The following TTN variants were observed in gnomAD, a reference collection of about 807,000 sequenced individuals.
TTN encodes the protein connectin.
TTN carries 1,525 observed loss-of-function variants against 3,223.0 expected under a neutral mutation model. That is an observed-to-expected ratio of 0.47 (90% CI 0.45 to 0.49). TTN has a LOEUF of 0.49. TTN is among the 20% of genes least tolerant of loss of function. The pLI is 0.00. For synonymous variants in TTN, 14,094 were observed against 15,161.0 expected (o/e 0.93, Z 5.17); for missense variants, 40,786 against 43,424.0 (o/e 0.94, Z 5.40).
intron 152 of TTN, 74 bp from the exon 153 acceptor site, chr2:178,672,777 A>T: frequency 8.1e-7 from 1 of 1,228,654 alleles, no homozygotes; most frequent in South Asian, 1.4e-5. Context: ...ACCAGAGACA[A>T]CGCCAACATT....
At chr2:178,538,135 T>C in intron 354 of TTN, 1 of 564,850 alleles carries the variant, frequency 1.8e-6, no homozygotes, top group Non-Finnish European at 3.1e-6. Flanking sequence ...GAGTGTTTTT[T>C]TCTCTTTATG....
intron 257 of TTN, 75 bp from the exon 258 acceptor site, chr2:178,615,863 C>T: frequency 1.4e-6 from 2 of 1,481,022 alleles, no homozygotes; most frequent in Middle Eastern, 1.9e-4. Flanking sequence ...TTTACCATGA[C>T]CAGGGATACA....
rs1411362528 is a variant in TTN, at chr2:178,532,219, G to C, written c.104396C>G (p.Ser34799Cys). The C allele has an allele frequency of 6.2e-7, 1 of 1,613,396 alleles. No homozygotes were observed. Among genetic ancestry groups the C allele is most frequent in the African/African-American group, 1.3e-5 (1 of 75,012 alleles). The change falls in exon 358 of 363, where the codon TCT (serine) becomes TGT (cysteine). Residue 34799 changes from serine (S) to cysteine (C), a missense_variant. Transcript: ENST00000589042. ...ELDFMSKEEK[S>C]RKKSRRQREV... ...TCTTTGTCGCCTTGATTTCTTTCTA[G>C]ACTTTTCCTCCTTTGACATGAAGTC...
Position 178,769,837 on chromosome 2 carries a change from A to T in TTN, c.8744T>A (p.Leu2915Gln). The change falls in exon 37 of 363, where the codon CTG (leucine) becomes CAG (glutamine). Residue 2915 changes from leucine to glutamine, a missense_variant. By Grantham distance (113) the Leu-to-Gln change is moderately radical. Coordinates refer to ENST00000589042, the MANE Select transcript of TTN (RefSeq NM_001267550.2). ...CATCTCAATTTCCACACCATTCTTC[A>T]GCCACATGGAAGGGACATTGAAGTG... ...VSHFNVPSMW[L>Q]KNGVEIEMSE... is the part of the protein sequence containing the mutation. 1 of 1,614,060 alleles carries T rather than the reference A, an allele frequency of 6.2e-7. No individual in the cohort carries two copies. Among genetic ancestry groups the T allele is most frequent in the South Asian group, 1.1e-5 (1 of 91,086 alleles).
chr2:178,710,743 C>G lies in TTN; in HGVS notation c.28354G>C (p.Ala9452Pro), dbSNP rs527663092. 8.1e-6 allele frequency: 13 copies of G among 1,613,806 alleles called. No homozygotes were observed. Among genetic ancestry groups the G allele is most frequent in the Non-Finnish European group, 1.1e-5 (13 of 1,179,818 alleles). ...TCTACTTTGAGGACTGTCAGGTGGG[C>G]GCTGTTTTCCAGATAACTAATCTGG... ...KYQISYLENS[A>P]HLTVLKVDKG... is the part of the protein sequence containing the mutation. The change falls in exon 98 of 363, where the codon GCC becomes CCC. Residue 9452 changes from alanine (A) to proline (P), a missense_variant. Physicochemically the swap from Ala to Pro is conservative, Grantham distance 27. Coordinates refer to ENST00000589042, the MANE Select transcript of TTN (RefSeq NM_001267550.2).
At chr2:178,791,879 C>G (rs1480185485) in intron 10 of TTN, among the ~76,000 whole-genome samples, 193 bp downstream of exon 10, 1 of 152,078 alleles carries the variant, frequency 6.6e-6, no homozygotes, top group African/African-American at 2.4e-5. Flanking sequence ...GAAAACTGAT[C>G]AAGTGAGTGG....
In TTN at chr2:178,616,474, C is replaced by T. The variant is rs773694879; in HGVS notation, c.48312+5G>A. 6.2e-7 allele frequency: 1 copy of T among 1,611,920 alleles called. No homozygotes were observed. The highest frequency in any genetic ancestry group is 8.5e-7 in the Non-Finnish European group (1 of 1,178,690). On this transcript the variant is annotated splice_donor_5th_base_variant and intron_variant, in intron 257 of 362. Coordinates refer to ENST00000589042, the MANE Select transcript of TTN (RefSeq NM_001267550.2). Reference sequence around the variant, plus strand: ...GGCATTGATGCAGTGCTGCTCAAAACTCACTTTAGTCCATGTTTTCCGGCT... The same window carrying T: ...GGCATTGATGCAGTGCTGCTCAAAATTCACTTTAGTCCATGTTTTCCGGCT...
At position 178,582,599 on chromosome 2, in the gene TTN, G is replaced by A. The variant is rs1416710271; in HGVS notation, c.65864-7C>T. 7.5e-6 allele frequency: 12 copies of A among 1,594,618 alleles called. No homozygotes were observed. In the South Asian group the frequency reaches 1.4e-4, roughly 18 times the overall value. On this transcript the variant is annotated splice_region_variant and splice_polypyrimidine_tract_variant and intron_variant, in intron 313 of 362. Transcript: ENST00000589042. ...GCTGGAGGACCCGGTTTATCTGAAG[G>A]AATAAGGAAGAAGAGTGAATATGTG...
intron 63 of TTN, 38 bp from the exon 64 acceptor site, chr2:178,729,604 G>A (rs1470120892): frequency 6.2e-7 from 1 of 1,612,632 alleles, no homozygotes; most frequent in Non-Finnish European, 8.5e-7. Flanking sequence ...TTACTCAAGG[G>A]AAGACCCCAA....
Position 178,547,575 on chromosome 2 carries a change from A to T in TTN, c.94051T>A (p.Ser31351Thr). 6.2e-7 allele frequency: 1 copy of T among 1,613,772 alleles called. No individual in the cohort carries two copies. Among genetic ancestry groups the T allele is most frequent in the Non-Finnish European group, 8.5e-7 (1 of 1,179,820 alleles). Residue 31351 changes from serine (S) to threonine (T), a missense_variant, in exon 339 of 363, where the codon TCG becomes ACG. Physicochemically the swap from Ser to Thr is moderately conservative, Grantham distance 58. Coordinates refer to ENST00000589042, the MANE Select transcript of TTN (RefSeq NM_001267550.2). ...ITNYIVEKRE[S>T]GTTAWQLVNS... Reference sequence around the variant, plus strand: ...ACAAGCTGCCAAGCTGTTGTACCCGATTCACGCTTTTCAACTATGTAATTA... The same window carrying T: ...ACAAGCTGCCAAGCTGTTGTACCCGTTTCACGCTTTTCAACTATGTAATTA...
At chr2:178,748,253 TTTAAAATGTC>T in intron 47 of TTN, 1 of 1,613,014 alleles carries the variant, frequency 6.2e-7, no homozygotes, top group Admixed American at 1.7e-5. Context: ...AAGATCAGTT[TTTAAAATGTC>T]TAAGTTTTGT....
At chr2:178,710,515 T>C in intron 98 of TTN, 120 bp downstream of exon 98, 2 of 1,249,554 alleles carry the variant, frequency 1.6e-6, no homozygotes, top group South Asian at 3.1e-5. Flanking sequence ...CTCTTAAACA[T>C]TTTCTTTTCA....
Position 178,753,117 on chromosome 2 carries a change from A to G in TTN, c.11311+7T>C, listed in dbSNP as rs2086016384. On this transcript the variant is annotated splice_region_variant and intron_variant, in intron 47 of 362. Coordinates refer to ENST00000589042, the MANE Select transcript of TTN (RefSeq NM_001267550.2). ...CTACTTAAATCTCACATCCATTATA[A>G]CAATACCTTTCATTTCCATCTCAAT... 6.2e-7 allele frequency: 1 copy of G among 1,607,506 alleles called. No individual in the cohort carries two copies. Among genetic ancestry groups the G allele is most frequent in the Non-Finnish European group, 8.5e-7 (1 of 1,175,870 alleles).
rs1239764779 is a variant in TTN, at chr2:178,790,710, T to G, written c.1798A>C (p.Lys600Gln). The G allele has an allele frequency of 6.2e-7, 1 of 1,614,010 alleles. No homozygotes were observed. The highest frequency in any genetic ancestry group is 2.2e-5 in the East Asian group (1 of 44,894). Residue 600 changes from lysine (K) to glutamine (Q), a missense_variant and splice_region_variant, in exon 11 of 363, where the codon AAG becomes CAG. Coordinates refer to ENST00000589042, the MANE Select transcript of TTN (RefSeq NM_001267550.2). Reference protein sequence around the residue: ...QQDQMHLSYEKIMKETRKTVV... With the variant: ...QQDQMHLSYEQIMKETRKTVV... ...TCACATTGGCAGGAAGTCATCACCT[T>G]TTCATAACTTAGGTGCATTTGATCT...
chr2:178,621,136 C>T lies in TTN; in HGVS notation c.45582G>A (p.Gly15194=), dbSNP rs1576555318. 2 of 1,612,394 alleles carry T rather than the reference C, an allele frequency of 1.2e-6. No individual in the cohort carries two copies. The highest frequency in any genetic ancestry group is 2.7e-5 in the African/African-American group (2 of 74,778). The part of the protein sequence containing the change: ...QDMGTYVVMV[G]AARAAAHLTV... The stretch of plus-strand genomic sequence containing the variant: ...TCAAGTGAGCTGCTGCTCTGGCGGC[C>T]CCTACCATGACAACGTAAGTGCCCA... Residue 15194 remains glycine (G), a synonymous_variant, in exon 246 of 363, where the codon GGG becomes GGA. Coordinates refer to ENST00000589042, the MANE Select transcript of TTN (RefSeq NM_001267550.2).
At position 178,773,978 on chromosome 2, in the gene TTN, G is replaced by A; in HGVS notation, c.7190C>T (p.Pro2397Leu). ...VWMKDGQEVQPSDRVHIVIDK... is the reference protein window; with the variant it reads ...VWMKDGQEVQLSDRVHIVIDK... ...TATCACAATGTGAACCCTGTCACTG[G>A]GCTGCACTTCTTGGCCGTCTTTCAT... is the stretch of plus-strand genomic sequence containing the variant. The change falls in exon 31 of 363, where the codon CCC becomes CTC. Residue 2397 changes from proline to leucine, a missense_variant. Physicochemically the swap from Pro to Leu is moderately conservative, Grantham distance 98 (BLOSUM62 -3). Transcript: ENST00000589042. 6.2e-7 allele frequency: 1 copy of A among 1,613,932 alleles called. No homozygotes were observed. Among genetic ancestry groups the A allele is most frequent in the South Asian group, 1.1e-5 (1 of 91,076 alleles).
intron 265 of TTN, 62 bp downstream of exon 265, chr2:178,612,711 A>T: frequency 6.4e-7 from 1 of 1,552,780 alleles, no homozygotes; most frequent in Non-Finnish European, 8.6e-7. Flanking sequence ...ATTTTCTCAT[A>T]TCGTAGCTCA....
In TTN at chr2:178,573,263, C is replaced by T. The variant is rs1304384759; in HGVS notation, c.72869G>A (p.Gly24290Glu). ...LRYKVSGLTE[G>E]HEYEFRIMAE... ...CATAATCCTGAACTCATATTCATGT[C>T]CTTCTGTCAGTCCAGACACTTTATA... The change falls in exon 326 of 363, where the codon GGA becomes GAA. Residue 24290 changes from glycine to glutamate, a missense_variant. Gly to Glu is a moderately conservative substitution (Grantham distance 98). Transcript: ENST00000589042. 3 of 1,605,638 alleles carry T rather than the reference C, an allele frequency of 1.9e-6. No homozygotes were observed. In the African/African-American group the frequency reaches 4.0e-5, roughly 21 times the overall value.
In TTN at chr2:178,573,519, C is replaced by G. The variant is rs1322881049; in HGVS notation, c.72613G>C (p.Val24205Leu). Residue 24205 changes from valine to leucine, a missense_variant, in exon 326 of 363, where the codon GTG (valine) becomes CTG (leucine). Val to Leu is a conservative substitution (Grantham distance 32). Transcript: ENST00000589042. ...FRVMAVNKYG[V>L]GEPLESEPVL... ...GGCTCTGATTCCAGTGGCTCTCCCA[C>G]TCCATATTTATTTACAGCCATGACA... 6.7e-7 allele frequency: 1 copy of G among 1,498,022 alleles called. No homozygotes were observed. Among genetic ancestry groups the G allele is most frequent in the African/African-American group, 1.4e-5 (1 of 71,252 alleles). 92.8% of individuals were successfully genotyped at this position (1,498,022 alleles called of 1,614,324 possible). A position where few individuals can be genotyped will look rare whatever the true frequency, so the allele number is the denominator to read the frequency against.
Sources: allele counts gnomAD v4.1 joint callset (sites outside exome capture counted in the v4.1 genomes callset), GRCh38; gene constraint gnomAD v4.1.1; transcripts MANE v1.5; gene names NCBI Gene and HGNC (gene_info 2026-07-23, HGNC 2026-07-21).